PLPPR1: variants seen among roughly 807,000 people sequenced by gnomAD.
PLPPR1 encodes phospholipid phosphatase related 1, also known as phospholipid phosphatase-related protein type 1.
In PLPPR1, 10 loss-of-function variants were observed where a neutral mutation model predicts 33.1. That is an observed-to-expected ratio of 0.30 (90% CI 0.19 to 0.51). The LOEUF (loss-of-function observed/expected upper bound fraction) is 0.51, where lower values mean the gene tolerates loss of function less well. Among genes scored for constraint, PLPPR1 ranks in the 20% least tolerant of loss-of-function variants. The probability of loss-of-function intolerance (pLI) is 0.97; values close to 1 mark genes in which losing one functional copy is unlikely to be tolerated. For missense variants in PLPPR1, 304 were observed against 408.1 expected, an observed-to-expected ratio of 0.74 and a Z score of 2.20; for synonymous variants, 151 against 151.0, an observed-to-expected ratio of 1.00 and a Z score of 0.00.
At chr9:101,056,132 T>C (rs1564131950) in intron 1 of PLPPR1, among the ~76,000 whole-genome samples, 1 of 152,178 alleles carries the variant, frequency 6.6e-6, no homozygotes, top group Admixed American at 6.5e-5. Flanking sequence ...CCATAGTCTT[T>C]AGGTGAGAAA....
intron 1 of PLPPR1, among the ~76,000 whole-genome samples, chr9:101,039,797 C>A (rs1360251172): frequency 6.6e-6 from 1 of 151,804 alleles, no homozygotes; most frequent in Non-Finnish European, 1.5e-5. Flanking sequence ...GAGAACAGCA[C>A]AGGAAAAATC....
chr9:101,138,536 A>G (rs1443753819), intron 1 of PLPPR1, among the ~76,000 whole-genome samples: 1 of 152,210 alleles, frequency 6.6e-6, no homozygotes, highest in African/African-American at 2.4e-5. Flanking sequence ...GACAACCTCC[A>G]TTTCACAAGT....
intron 1 of PLPPR1, among the ~76,000 whole-genome samples, chr9:101,114,550 T>C (rs982384383): frequency 5.3e-5 from 8 of 152,204 alleles, no homozygotes; most frequent in Admixed American, 2.0e-4. Flanking sequence ...CTCTCCTTTC[T>C]TCCTGTCTCC....
intron 1 of PLPPR1, among the ~76,000 whole-genome samples, chr9:101,151,878 T>G (rs1330572460): frequency 1.3e-5 from 2 of 152,212 alleles, no homozygotes; most frequent in Non-Finnish European, 2.9e-5. Flanking sequence ...CCTGATTTGA[T>G]GATCTTCCAA....
At chr9:101,241,906 C>T (rs1328544034) in intron 2 of PLPPR1, among the ~76,000 whole-genome samples, 1 of 152,016 alleles carries the variant, frequency 6.6e-6, no homozygotes, top group South Asian at 2.1e-4. Flanking sequence ...AGTTAAAAGC[C>T]CCAAATGTAA....
intron 2 of PLPPR1, among the ~76,000 whole-genome samples, chr9:101,222,623 A>G (rs974891557): frequency 1.4e-4 from 21 of 152,328 alleles, no homozygotes; most frequent in African/African-American, 4.8e-4. Context: ...AAGGAAGTAC[A>G]TATCTGCCTC....
chr9:101,320,618 G>A (rs1224574043), intron 7 of PLPPR1, among the ~76,000 whole-genome samples: 1 of 152,150 alleles, frequency 6.6e-6, no homozygotes, highest in Non-Finnish European at 1.5e-5. Context: ...CTCACATTAT[G>A]CTATCCATAC....
At chr9:101,125,579 C>A (rs542816204) in intron 1 of PLPPR1, 1 of 517,740 alleles carries the variant, frequency 1.9e-6, no homozygotes, top group South Asian at 1.7e-5. Flanking sequence ...GCAGGAAAAC[C>A]AGAGTTAGGC....
At chr9:101,172,261 T>G (rs1197965243) in intron 1 of PLPPR1, among the ~76,000 whole-genome samples, 3 of 151,908 alleles carry the variant, frequency 2.0e-5, no homozygotes, top group Non-Finnish European at 4.4e-5. Context: ...CACTCAGTAG[T>G]GCAGACTGGC....
rs532408309 is a variant in PLPPR1, at chr9:101,161,227, G to T, written c.-45-24223G>T. 8.5e-5 allele frequency among the ~76,000 whole-genome samples: 13 copies of T among 152,222 alleles called. No homozygotes were observed. The South Asian group carries it at 2.7e-3, about 32-fold the overall frequency. On this transcript the variant is annotated intron_variant, in intron 1 of 7. Transcript: ENST00000374874. ...TCAAATATAGGCTCAATATATAGTA[G>T]TTATCATGTTGCCTCAGTTACTCTA...
At chr9:101,238,087 TATAC>T (rs1264868209) in intron 2 of PLPPR1, among the ~76,000 whole-genome samples, 3 of 138,372 alleles carry the variant, frequency 2.2e-5, no homozygotes, top group Admixed American at 1.5e-4. Flanking sequence ...TATATATACA[TATAC>T]ATACATATAT....
chr9:101,314,487 G>T (rs543219212), intron 6 of PLPPR1, among the ~76,000 whole-genome samples: 1 of 152,058 alleles, frequency 6.6e-6, no homozygotes, highest in East Asian at 1.9e-4. Context: ...CCAGACCATT[G>T]CAACAGTGAA....
At chr9:101,246,506 AT>A (rs1827613628) in intron 2 of PLPPR1, among the ~76,000 whole-genome samples, 1 of 151,980 alleles carries the variant, frequency 6.6e-6, no homozygotes, top group Admixed American at 6.6e-5. Flanking sequence ...TATTGTTTCC[AT>A]TTTACAGATG....
chr9:101,220,739 C>G (rs1464488023), intron 2 of PLPPR1, among the ~76,000 whole-genome samples: 1 of 152,174 alleles, frequency 6.6e-6, no homozygotes, highest in Non-Finnish European at 1.5e-5. Flanking sequence ...CTCTTAAGCT[C>G]CAGAAAAATA....
At chr9:101,323,649 G>A (rs1829196648) in intron 7 of PLPPR1, among the ~76,000 whole-genome samples, 1 of 152,006 alleles carries the variant, frequency 6.6e-6, no homozygotes, top group Non-Finnish European at 1.5e-5. Context: ...ATACCAGCCT[G>A]ACCAACATGG....
In PLPPR1 at chr9:101,056,949, T is replaced by G. The variant is rs186996858; in HGVS notation, c.-46+27847T>G. ...GCTCCTCAGAGATGAGCCTACCACATCAGTCAAGCCAGGCTACTCATTACT... is the reference window on the plus strand; with the variant it reads ...GCTCCTCAGAGATGAGCCTACCACAGCAGTCAAGCCAGGCTACTCATTACT... On this transcript the variant is annotated intron_variant, in intron 1 of 7. Transcript: ENST00000374874. Among the ~76,000 whole-genome samples the G allele has an allele frequency of 1.7e-4, 26 of 152,190 alleles. No homozygotes were observed. The East Asian group carries it at 4.7e-3, about 27-fold the overall frequency.
chr9:101,309,558 T>C, intron 5 of PLPPR1, 97 bp downstream of exon 5: 1 of 1,359,732 alleles, frequency 7.4e-7, no homozygotes, highest in Non-Finnish European at 1.0e-6. Flanking sequence ...TTATAGCGAC[T>C]CTTAAATTTA....
chr9:101,155,667 T>C (rs1317632112), intron 1 of PLPPR1, among the ~76,000 whole-genome samples: 7 of 152,002 alleles, frequency 4.6e-5, no homozygotes, highest in Admixed American at 4.6e-4. Context: ...TGGTGCAGTC[T>C]TGGCTCACTG....
chr9:101,078,245 G>A (rs915144630), intron 1 of PLPPR1, among the ~76,000 whole-genome samples: 1 of 130,002 alleles, frequency 7.7e-6, no homozygotes, highest in Non-Finnish European at 1.6e-5. Context: ...AAGGCTCCAG[G>A]TAGGGTCAGA....
Sources: allele counts gnomAD v4.1 joint callset (sites outside exome capture counted in the v4.1 genomes callset), GRCh38; gene constraint gnomAD v4.1.1; transcripts MANE v1.5; gene names NCBI Gene and HGNC (gene_info 2026-07-23, HGNC 2026-07-21).